The following SPECC1 variants were observed in gnomAD, a reference collection of about 807,000 sequenced individuals.
The protein encoded by SPECC1 is sperm antigen with calponin homology and coiled-coil domains 1.
A neutral mutation model predicts 104.1 loss-of-function variants in SPECC1; 62 were observed. That is an observed-to-expected ratio of 0.60 (90% CI 0.49 to 0.74). SPECC1 has a LOEUF of 0.74. SPECC1 is among the 30% of genes least tolerant of loss of function. The pLI is 0.00. For synonymous variants in SPECC1, 513 were observed against 501.6 expected, an observed-to-expected ratio of 1.02 and a Z score of -0.30; for missense variants, 1,306 against 1,310.5, an observed-to-expected ratio of 1.00 and a Z score of 0.05.
Position 20,145,013 on chromosome 17 carries a change from A to G in SPECC1, c.283+34451A>G, listed in dbSNP as rs140876813. The stretch of plus-strand genomic sequence containing the variant: ...CTAAAAACATTCTAATTCAAGAAGG[A>G]TGTTCAAGATTCTCTCCTTAAAGAT... On this transcript the variant is annotated intron_variant, in intron 3 of 14. Coordinates refer to ENST00000395527, the MANE Select transcript of SPECC1 (RefSeq NM_001243439.2). Among the ~76,000 whole-genome samples, 6 of 152,360 alleles carry G rather than the reference A, an allele frequency of 3.9e-5. No individual in the cohort carries two copies. The East Asian group carries it at 1.2e-3, about 29-fold the overall frequency.
intron 2 of SPECC1, among the ~76,000 whole-genome samples, chr17:20,097,697 A>G (rs567157218): frequency 1.3e-5 from 2 of 151,998 alleles, no homozygotes; most frequent in South Asian, 4.2e-4. Context: ...TAGAGCAGAC[A>G]CTCTTGGTGA....
chr17:20,084,124 T>C (rs762590309), intron 1 of SPECC1, among the ~76,000 whole-genome samples: 7 of 152,216 alleles, frequency 4.6e-5, no homozygotes, highest in Non-Finnish European at 8.8e-5. Flanking sequence ...CATCATTTGT[T>C]ATTTTTAACA....
At chr17:20,206,794 T>C (rs1454720037) in intron 4 of SPECC1, among the ~76,000 whole-genome samples, 2 of 152,190 alleles carry the variant, frequency 1.3e-5, no homozygotes, top group Non-Finnish European at 1.5e-5. Context: ...TTCAGAAATA[T>C]TATGCCAGTT....
chr17:20,124,786 A>C (rs1393125826), intron 3 of SPECC1, among the ~76,000 whole-genome samples: 3 of 152,204 alleles, frequency 2.0e-5, no homozygotes, highest in Non-Finnish European at 2.9e-5. Context: ...ATTTGGGCAA[A>C]ATCATCTAAC....
chr17:20,130,733 C>T (rs1364560492), intron 3 of SPECC1, among the ~76,000 whole-genome samples: 1 of 152,182 alleles, frequency 6.6e-6, no homozygotes, highest in Non-Finnish European at 1.5e-5. Flanking sequence ...GTTCCTTTGA[C>T]TTCCCATATA....
In SPECC1 at chr17:20,316,293, G is replaced by T; in HGVS notation, c.*2228G>T. 4.3e-6 allele frequency: 1 copy of T among 231,404 alleles called. No homozygotes were observed. Among genetic ancestry groups the T allele is most frequent in the Non-Finnish European group, 8.6e-6 (1 of 116,876 alleles). The allele number at this position is 231,404 out of a possible 1,614,324, so 14.3% of individuals were successfully genotyped here. A position where few individuals can be genotyped will look rare whatever the true frequency, so the allele number is the denominator to read the frequency against. On this transcript the variant is annotated 3_prime_UTR_variant, in exon 15 of 15. Coordinates refer to ENST00000395527, the MANE Select transcript of SPECC1 (RefSeq NM_001243439.2). ...AGCTGGAATTAGTCCAGGGTTTTAT[G>T]TGGGGAGGCAGTTGCTGTCTTGGGA...
Position 20,318,009 on chromosome 17 carries a change from A to G in SPECC1, c.*3944A>G, listed in dbSNP as rs1350688782. 6 of 229,508 alleles carry G rather than the reference A, an allele frequency of 2.6e-5. No individual in the cohort carries two copies. In the East Asian group the frequency reaches 3.8e-4, roughly 14 times the overall value. 14.2% of individuals were successfully genotyped at this position (229,508 alleles called of 1,614,324 possible). A position where few individuals can be genotyped will look rare whatever the true frequency, so the allele number is the denominator to read the frequency against. On this transcript the variant is annotated 3_prime_UTR_variant, in exon 15 of 15. Coordinates refer to ENST00000395527, the MANE Select transcript of SPECC1 (RefSeq NM_001243439.2). ...AAGTTGGCAGGAAAACAAGGTCAGCATCTTATTTTTTCTATACTCAGCAGA... is the reference window on the plus strand; with the variant it reads ...AAGTTGGCAGGAAAACAAGGTCAGCGTCTTATTTTTTCTATACTCAGCAGA...
chr17:20,038,652 G>A lies in SPECC1; in HGVS notation c.-22+29228G>A, dbSNP rs185772216. Among the ~76,000 whole-genome samples, 942 of 152,096 alleles carry A rather than the reference G, an allele frequency of 6.2e-3. 10 individuals are homozygous for A. Among genetic ancestry groups the A allele is most frequent in the African/African-American group, 0.022 (895 of 41,496 alleles). On this transcript the variant is annotated intron_variant, in intron 1 of 14. Transcript: ENST00000395527. ...CCTGATCTTGTGATCCACCAGCCTC[G>A]GCCTCCCAAAGTGCTGGGATCACAG...
intron 7 of SPECC1, among the ~76,000 whole-genome samples, chr17:20,239,932 C>T (rs1309706552): frequency 2.5e-5 from 3 of 118,896 alleles, no homozygotes; most frequent in Non-Finnish European, 4.9e-5. Context: ...CTCACTCTGT[C>T]ACCTAGGCTG....
chr17:20,123,639 T>C (rs1379961900), intron 3 of SPECC1, among the ~76,000 whole-genome samples: 1 of 152,190 alleles, frequency 6.6e-6, no homozygotes, highest in Non-Finnish European at 1.5e-5. Flanking sequence ...CCAGGATAGG[T>C]AGTGTTCCCA....
At chr17:20,038,594 G>T (rs1006553343) in intron 1 of SPECC1, among the ~76,000 whole-genome samples, 2 of 151,958 alleles carry the variant, frequency 1.3e-5, no homozygotes, top group Non-Finnish European at 2.9e-5. Context: ...TTGAGACGGG[G>T]TTTCACCATC....
At chr17:20,062,658 C>T (rs141365839) in intron 1 of SPECC1, among the ~76,000 whole-genome samples, 142 of 152,060 alleles carry the variant, frequency 9.3e-4, no homozygotes, top group Admixed American at 2.6e-3. Context: ...GCCACCATAC[C>T]AGGTCAAAAT....
At chr17:20,190,698 AATGTATAATGCC>A (rs2151280883) in intron 3 of SPECC1, among the ~76,000 whole-genome samples, 1 of 152,258 alleles carries the variant, frequency 6.6e-6, no homozygotes, top group East Asian at 1.9e-4. Flanking sequence ...GGTTTGGATA[AATGTATAATGCC>A]ATGTATCCAA....
chr17:20,016,053 A>AT (rs1477351612), intron 1 of SPECC1, among the ~76,000 whole-genome samples: 4 of 150,984 alleles, frequency 2.6e-5, no homozygotes, highest in African/African-American at 9.7e-5. Flanking sequence ...TACTAAAAAA[A>AT]AAATAAAATA....
intron 13 of SPECC1, among the ~76,000 whole-genome samples, chr17:20,299,587 A>G (rs1395924005): frequency 6.6e-6 from 1 of 150,596 alleles, no homozygotes; most frequent in Non-Finnish European, 1.5e-5. Context: ...AAAGAAAAGA[A>G]AAAAAACCTT....
chr17:20,113,510 A>G (rs1478899113), intron 3 of SPECC1, among the ~76,000 whole-genome samples: 7 of 152,214 alleles, frequency 4.6e-5, no homozygotes, highest in African/African-American at 1.7e-4. Context: ...GTCACAGCAT[A>G]TGAATATGGT....
chr17:20,309,911 G>A (rs908237772), intron 14 of SPECC1, among the ~76,000 whole-genome samples: 7 of 150,278 alleles, frequency 4.7e-5, no homozygotes, highest in Non-Finnish European at 7.4e-5. Flanking sequence ...TCCGACTTCC[G>A]GGTTCAAGCA....
rs552864808 is a variant in SPECC1 at position 20,275,309 on chromosome 17, G to C, written c.2940+15015G>C. On this transcript the variant is annotated intron_variant, in intron 12 of 14. Coordinates refer to ENST00000395527, the MANE Select transcript of SPECC1 (RefSeq NM_001243439.2). ...ATACTCAGTTATTGATGAGACATTT[G>C]GCTTCTTGTTGGTTGCTTTGGTATA... Among the ~76,000 whole-genome samples the C allele has an allele frequency of 3.5e-4, 54 of 152,184 alleles. 2 individuals carry two copies. In the South Asian group the frequency reaches 0.011, roughly 30 times the overall value.
At chr17:20,241,996 T>C (rs1302021460) in intron 7 of SPECC1, among the ~76,000 whole-genome samples, 1 of 152,148 alleles carries the variant, frequency 6.6e-6, no homozygotes, top group African/African-American at 2.4e-5. Flanking sequence ...TTGGGCTTTG[T>C]TCAGGTGTTC....
Sources: gnomAD v4.1 joint callset for allele counts (sites outside exome capture counted in the v4.1 genomes callset) on GRCh38, gnomAD v4.1.1 for gene constraint, MANE v1.5 for transcripts, NCBI Gene and HGNC (gene_info 2026-07-23, HGNC 2026-07-21) for gene names.